PSD3: variants seen among roughly 807,000 people sequenced by gnomAD.
The protein encoded by PSD3 is PH and SEC7 domain-containing protein 3.
A neutral mutation model predicts 105.5 loss-of-function variants in PSD3; 49 were observed. The ratio of observed to expected loss-of-function variants is 0.46; its 90% CI spans 0.37 to 0.59. The LOEUF (loss-of-function observed/expected upper bound fraction) is 0.59. PSD3 is among the 20% of genes least tolerant of loss of function. The pLI is 0.00. For synonymous variants in PSD3, 557 were observed against 457.8 expected (o/e 1.22, Z -2.77); for missense variants, 1,561 against 1,263.8 (o/e 1.24, Z -3.57).
intron 2 of PSD3, among the ~76,000 whole-genome samples, chr8:18,931,668 G>T (rs769339813): frequency 2.0e-5 from 3 of 152,278 alleles, no homozygotes; most frequent in South Asian, 4.1e-4. Flanking sequence ...GATGGGCTCT[G>T]AACAGTTCAG....
intron 10 of PSD3, among the ~76,000 whole-genome samples, chr8:18,653,279 C>T (rs1378649420): frequency 1.3e-5 from 2 of 151,852 alleles, no homozygotes; most frequent in Non-Finnish European, 2.9e-5. Flanking sequence ...TATACGATAA[C>T]CACTATAGTG....
At chr8:18,882,869 GCA>G (rs947076959) in intron 2 of PSD3, among the ~76,000 whole-genome samples, 2 of 149,946 alleles carry the variant, frequency 1.3e-5, no homozygotes, top group African/African-American at 2.5e-5. Flanking sequence ...ACACACGCAC[GCA>G]CACACACACA....
At chr8:19,015,645 A>G (rs1827157089), upstream of PSD3, among the ~76,000 whole-genome samples, 1 of 152,250 alleles carries the variant, frequency 6.6e-6, no homozygotes, top group African/African-American at 2.4e-5. Context: ...GGCAGGGTGG[A>G]CATAGATTTA....
chr8:18,942,500 A>G (rs1375929782), intron 1 of PSD3, among the ~76,000 whole-genome samples: 1 of 152,242 alleles, frequency 6.6e-6, no homozygotes, highest in Non-Finnish European at 1.5e-5. Flanking sequence ...CAAGATTTAT[A>G]TGTTGAAGTC....
At chr8:18,934,879 C>T (rs1822006232) in intron 2 of PSD3, among the ~76,000 whole-genome samples, 1 of 152,192 alleles carries the variant, frequency 6.6e-6, no homozygotes, top group Non-Finnish European at 1.5e-5. Context: ...CATAAAATTA[C>T]ACGTTTTGAA....
chr8:18,556,486 C>T (rs567644747), intron 14 of PSD3, 134 bp from the exon 15 acceptor site: 41 of 885,124 alleles, frequency 4.6e-5, no homozygotes, highest in South Asian at 4.6e-4. Flanking sequence ...TCTGCTGCCA[C>T]ATCCTTCCAG....
At chr8:18,748,993 C>T (rs767047220) in intron 9 of PSD3, among the ~76,000 whole-genome samples, 7 of 152,214 alleles carry the variant, frequency 4.6e-5, no homozygotes, top group Admixed American at 6.5e-5. Context: ...TCATGTGTAA[C>T]GCTACTCAGT....
chr8:18,560,119 T>C (rs1041586719), intron 14 of PSD3, among the ~76,000 whole-genome samples: 4 of 151,690 alleles, frequency 2.6e-5, no homozygotes, highest in African/African-American at 9.7e-5. Context: ...CGGACACAGC[T>C]TGACCATGCA....
intron 15 of PSD3, among the ~76,000 whole-genome samples, chr8:18,555,181 G>A (rs1166995172): frequency 4.6e-5 from 7 of 152,082 alleles, no homozygotes; most frequent in Admixed American, 2.6e-4. Flanking sequence ...AAGGAGAGCG[G>A]AGTGAGAGGA....
chr8:18,577,975 A>G (rs534869474), intron 12 of PSD3, among the ~76,000 whole-genome samples: 69 of 152,040 alleles, frequency 4.5e-4, no homozygotes, highest in Non-Finnish European at 6.9e-4. Context: ...CTTATCCTCA[A>G]GTATCTTTCA....
chr8:18,633,094 G>A (rs1807017281), intron 10 of PSD3, among the ~76,000 whole-genome samples: 1 of 152,010 alleles, frequency 6.6e-6, no homozygotes, highest in Admixed American at 6.6e-5. Flanking sequence ...AACAGATAAT[G>A]AAGATATGAT....
rs1169310224 is a variant in PSD3 at position 18,872,507 on chromosome 8, A to G, written c.357T>C (p.Ser119=). The G allele has an allele frequency of 6.2e-7, 1 of 1,613,978 alleles. No homozygotes were observed. Among genetic ancestry groups the G allele is most frequent in the Non-Finnish European group, 8.5e-7 (1 of 1,180,014 alleles). The stretch of plus-strand genomic sequence containing the variant: ...AACTTTGTTCCTTGAGATGACTTTG[A>G]GAGGGGGCCTCTCTGACATCTTTTG... ...EGPKDVREAP[S]QSHLKEQSLQ... The change falls in exon 3 of 16, where the codon TCT becomes TCC. Residue 119 remains serine, a synonymous_variant. Coordinates refer to ENST00000327040, the MANE Select transcript of PSD3 (RefSeq NM_015310.4).
At chr8:18,809,023 A>C in intron 4 of PSD3, 1 of 1,016,196 alleles carries the variant, frequency 9.8e-7, no homozygotes, top group South Asian at 2.2e-5. Flanking sequence ...CTGTCTATCG[A>C]GAACGTAAGA....
At chr8:18,733,487 T>C (rs1803921328) in intron 9 of PSD3, 1 of 152,680 alleles carries the variant, frequency 6.5e-6, no homozygotes, top group Admixed American at 6.5e-5. Flanking sequence ...CAAATGGTGG[T>C]ATTACTCATG....
intron 11 of PSD3, among the ~76,000 whole-genome samples, chr8:18,617,331 G>A (rs1253173532): frequency 6.6e-6 from 1 of 152,102 alleles, no homozygotes; most frequent in Non-Finnish European, 1.5e-5. Context: ...AGGGGTTCGA[G>A]ACCAACCTGA....
At chr8:18,660,802 C>T (rs542173190) in intron 9 of PSD3, among the ~76,000 whole-genome samples, 75 of 152,274 alleles carry the variant, frequency 4.9e-4, no homozygotes, top group African/African-American at 1.6e-3. Context: ...GTAACTTAAC[C>T]CCAGAGCCAG....
chr8:18,988,328 C>T, intron 1 of PSD3, among the ~76,000 whole-genome samples: 1 of 151,994 alleles, frequency 6.6e-6, no homozygotes, highest in East Asian at 1.9e-4. Flanking sequence ...TCCCAAACTG[C>T]GAATAAGACA....
chr8:18,699,559 T>C (rs574221114), intron 9 of PSD3, among the ~76,000 whole-genome samples: 8 of 152,296 alleles, frequency 5.3e-5, no homozygotes, highest in South Asian at 2.1e-4. Flanking sequence ...TTGACTAACC[T>C]TCTACTCACT....
intron 1 of PSD3, among the ~76,000 whole-genome samples, chr8:19,034,259 A>G (rs1008954638): frequency 6.6e-6 from 1 of 152,168 alleles, no homozygotes; most frequent in Non-Finnish European, 1.5e-5. Flanking sequence ...GTTACAGCCT[A>G]GATCCCCCAG....
Sources: allele counts gnomAD v4.1 joint callset (sites outside exome capture counted in the v4.1 genomes callset), GRCh38; gene constraint gnomAD v4.1.1; transcripts MANE v1.5; gene names NCBI Gene and HGNC (gene_info 2026-07-23, HGNC 2026-07-21).